Variants in GPD1L observed in about 807,000 individuals in gnomAD.
GPD1L encodes glycerol-3-phosphate dehydrogenase 1 like.
GPD1L carries 17 observed loss-of-function variants against 32.9 expected under a neutral mutation model. The observed-to-expected ratio is 0.52, with a 90% CI of 0.35 to 0.78. The LOEUF (loss-of-function observed/expected upper bound fraction) is 0.78. Ranked by LOEUF, GPD1L falls within the 30% of genes least tolerant of loss-of-function variation. The pLI, the probability that GPD1L is intolerant of heterozygous loss-of-function variation, is 0.01. For synonymous variants in GPD1L, 187 were observed against 165.9 expected (o/e 1.13, Z -0.98); for missense variants, 361 against 447.8 (o/e 0.81, Z 1.75).
rs143227335 is a variant in GPD1L, at chr3:32,118,314, A to T, written c.48-9762A>T. Among the ~76,000 whole-genome samples, 670 of 152,374 alleles carry T rather than the reference A, an allele frequency of 4.4e-3. 3 individuals carry two copies. Among genetic ancestry groups the T allele is most frequent in the South Asian group, 8.7e-3 (42 of 4,832 alleles). On this transcript the variant is annotated intron_variant, in intron 1 of 7. Transcript: ENST00000282541. ...CTTGTAAACTTACCAACAAGAAAGG[A>T]TGTATTCATGCAACAAATGTTTGTT...
chr3:32,116,652 C>A (rs915139248), intron 1 of GPD1L, among the ~76,000 whole-genome samples: 7 of 152,138 alleles, frequency 4.6e-5, no homozygotes, highest in Non-Finnish European at 7.3e-5. Context: ...TGATTTACTA[C>A]TACCAATTTT....
chr3:32,145,713 G>A (rs1301114822), intron 4 of GPD1L, among the ~76,000 whole-genome samples: 6 of 152,202 alleles, frequency 3.9e-5, no homozygotes, highest in Non-Finnish European at 5.9e-5. Context: ...TGATGCAACA[G>A]TGTTGCACAG....
chr3:32,113,139 C>T (rs1406103403), intron 1 of GPD1L, among the ~76,000 whole-genome samples: 6 of 141,544 alleles, frequency 4.2e-5, no homozygotes, highest in African/African-American at 1.4e-4. Context: ...CATTCAGTTT[C>T]CCACCAATGT....
intron 5 of GPD1L, among the ~76,000 whole-genome samples, chr3:32,150,897 C>T (rs545246776): frequency 2.1e-4 from 32 of 152,236 alleles, no homozygotes; most frequent in African/African-American, 7.5e-4. Flanking sequence ...CAAGACCAGC[C>T]TGGACAACAC....
At chr3:32,121,134 C>G (rs1700405740) in intron 1 of GPD1L, among the ~76,000 whole-genome samples, 1 of 152,078 alleles carries the variant, frequency 6.6e-6, no homozygotes, top group South Asian at 2.1e-4. Context: ...TGCCTCTTGC[C>G]CCTGCCACGC....
intron 1 of GPD1L, among the ~76,000 whole-genome samples, chr3:32,113,596 T>C (rs1700284213): frequency 6.6e-6 from 1 of 152,206 alleles, no homozygotes; most frequent in Non-Finnish European, 1.5e-5. Context: ...AAGGTTATAC[T>C]GGTGACACTT....
At chr3:32,118,711 C>T (rs1575108162) in intron 1 of GPD1L, among the ~76,000 whole-genome samples, 1 of 152,100 alleles carries the variant, frequency 6.6e-6, no homozygotes, top group South Asian at 2.1e-4. Flanking sequence ...AGAATTAGAT[C>T]TCCAGAATTC....
rs1559579249 is a variant in GPD1L at position 32,146,724 on chromosome 3, G to C, written c.608G>C (p.Gly203Ala). 1 of 1,601,806 alleles carries C rather than the reference G, an allele frequency of 6.2e-7. No individual in the cohort carries two copies. Among genetic ancestry groups the C allele is most frequent in the Non-Finnish European group, 8.6e-7 (1 of 1,169,002 alleles). Reference sequence around the variant, plus strand: ...GATGCAGACACTGTTGAACTCTGTGGTGCGCTTAAGGTAAAGTCAGCCTCA... The same window carrying C: ...GATGCAGACACTGTTGAACTCTGTGCTGCGCTTAAGGTAAAGTCAGCCTCA... ...VDDADTVELC[G>A]ALKNIVAVGA... The change falls in exon 5 of 8, where the codon GGT becomes GCT. Residue 203 changes from glycine (G) to alanine (A), a missense_variant. Physicochemically the swap from Gly to Ala is moderately conservative, Grantham distance 60. Coordinates refer to ENST00000282541, the MANE Select transcript of GPD1L (RefSeq NM_015141.4).
chr3:32,131,032 TC>T (rs1700580669), intron 2 of GPD1L, among the ~76,000 whole-genome samples: 1 of 150,556 alleles, frequency 6.6e-6, no homozygotes. Flanking sequence ...AATAGAATGC[TC>T]CGTTTAAAAA....
intron 4 of GPD1L, among the ~76,000 whole-genome samples, chr3:32,142,661 C>T (rs35164962): frequency 0.073 from 11,098 of 152,244 alleles, 569 homozygotes; most frequent in South Asian, 0.12. Context: ...AATCCTTTCC[C>T]AGTTCATTCT....
rs373602669 is a variant in GPD1L at position 32,168,068 on chromosome 3, G to T, written c.*2158G>T. ...GGAGTTGGAACTTTGCGTGTTTTGC[G>T]TATTTTCATCTGCATTCAGCTTCTT... On this transcript the variant is annotated 3_prime_UTR_variant, in exon 8 of 8. Coordinates refer to ENST00000282541, the MANE Select transcript of GPD1L (RefSeq NM_015141.4). 6.6e-6 allele frequency: 1 copy of T among 152,126 alleles called. No homozygotes were observed. The highest frequency in any genetic ancestry group is 1.5e-5 in the Non-Finnish European group (1 of 68,038). The allele number at this position is 152,126 out of a possible 1,614,324, so 9.4% of individuals were successfully genotyped here.
At chr3:32,119,563 T>C (rs1700378572) in intron 1 of GPD1L, among the ~76,000 whole-genome samples, 1 of 152,208 alleles carries the variant, frequency 6.6e-6, no homozygotes, top group Non-Finnish European at 1.5e-5. Flanking sequence ...CAAATAACAT[T>C]CGCCAAGTTG....
chr3:32,109,239 GT>G (rs1241872223), intron 1 of GPD1L, among the ~76,000 whole-genome samples: 1 of 152,222 alleles, frequency 6.6e-6, no homozygotes, highest in Non-Finnish European at 1.5e-5. Context: ...TTTAGCACAT[GT>G]TTTTTTAACA....
At chr3:32,123,791 AAGATAGATAGATAGAT>A (rs564716825) in intron 1 of GPD1L, among the ~76,000 whole-genome samples, 11 of 126,890 alleles carry the variant, frequency 8.7e-5, no homozygotes, top group Non-Finnish European at 1.7e-4. Context: ...CAGGAATTGA[AAGATAGATAGATAGAT>A]AGATAGATAG....
intron 2 of GPD1L, among the ~76,000 whole-genome samples, chr3:32,128,959 T>C (rs1183210427): frequency 1.3e-5 from 2 of 152,182 alleles, no homozygotes; most frequent in African/African-American, 4.8e-5. Context: ...AGACTGACAG[T>C]TTAAATTCAA....
At chr3:32,108,425 T>G (rs1405487174) in intron 1 of GPD1L, among the ~76,000 whole-genome samples, 1 of 152,188 alleles carries the variant, frequency 6.6e-6, no homozygotes, top group Non-Finnish European at 1.5e-5. Flanking sequence ...CAGAATCGCC[T>G]GAGCCTGGGA....
intron 3 of GPD1L, among the ~76,000 whole-genome samples, chr3:32,139,967 G>A (rs1046142148): frequency 6.6e-6 from 1 of 152,166 alleles, no homozygotes; most frequent in African/African-American, 2.4e-5. Flanking sequence ...GGGGAGCAGG[G>A]GTAGAAGGAG....
chr3:32,120,477 C>G (rs940962280), intron 1 of GPD1L, among the ~76,000 whole-genome samples: 1 of 152,120 alleles, frequency 6.6e-6, no homozygotes, highest in East Asian at 1.9e-4. Context: ...TTACAATGAT[C>G]TGATTAGTCA....
chr3:32,123,278 A>T (rs996033288), intron 1 of GPD1L, among the ~76,000 whole-genome samples: 1 of 152,240 alleles, frequency 6.6e-6, no homozygotes, highest in African/African-American at 2.4e-5. Flanking sequence ...AACAAAACCC[A>T]GTAGAATGAA....
Sources: gnomAD v4.1 joint callset for allele counts (sites outside exome capture counted in the v4.1 genomes callset) on GRCh38, gnomAD v4.1.1 for gene constraint, MANE v1.5 for transcripts, NCBI Gene and HGNC (gene_info 2026-07-23, HGNC 2026-07-21) for gene names.